Variants in SLC25A20 observed in about 807,000 individuals in gnomAD.
The protein encoded by SLC25A20 is mitochondrial carnitine/acylcarnitine carrier protein.
A neutral mutation model predicts 39.7 loss-of-function variants in SLC25A20; 29 were observed. The observed-to-expected ratio is 0.73, with a 90% confidence interval of 0.54 to 1.00. The LOEUF (loss-of-function observed/expected upper bound fraction) is 1.00. Among genes scored for constraint, SLC25A20 ranks in the 50% least tolerant of loss-of-function variants. The pLI is 0.00. For synonymous variants in SLC25A20, 103 were observed against 142.2 expected (o/e 0.72, Z 1.96); for missense variants, 333 against 379.9 (o/e 0.88, Z 1.03).
At chr3:48,866,553 C>CAA (rs572943196) in intron 4 of SLC25A20, among the ~76,000 whole-genome samples, 2 of 141,782 alleles carry the variant, frequency 1.4e-5, no homozygotes, top group African/African-American at 2.6e-5. Flanking sequence ...GACTCCATCT[C>CAA]AAAAAAAAAA....
chr3:48,862,161 A>G (rs373182481), intron 5 of SLC25A20, among the ~76,000 whole-genome samples: 49 of 152,340 alleles, frequency 3.2e-4, no homozygotes, highest in African/African-American at 1.2e-3. Flanking sequence ...CTGCCAGCTC[A>G]GGACAAGAGT....
At chr3:48,883,283 T>C (rs901859784) in intron 3 of SLC25A20, among the ~76,000 whole-genome samples, 2 of 151,130 alleles carry the variant, frequency 1.3e-5, no homozygotes, top group Non-Finnish European at 3.0e-5. Context: ...CCAGGCACAG[T>C]GGCACACGCC....
chr3:48,883,377 C>T (rs1202183782), intron 3 of SLC25A20, among the ~76,000 whole-genome samples: 1 of 151,664 alleles, frequency 6.6e-6, no homozygotes, highest in Non-Finnish European at 1.5e-5. Context: ...GGTGAAACCC[C>T]CTCTCTACTA....
intron 4 of SLC25A20, among the ~76,000 whole-genome samples, chr3:48,868,215 G>A (rs947284742): frequency 6.6e-6 from 1 of 151,948 alleles, no homozygotes; most frequent in Non-Finnish European, 1.5e-5. Flanking sequence ...GGGGGGTTGA[G>A]AAGAGGAGAG....
At chr3:48,874,937 G>A (rs941112503) in intron 4 of SLC25A20, among the ~76,000 whole-genome samples, 3 of 150,050 alleles carry the variant, frequency 2.0e-5, no homozygotes, top group African/African-American at 7.3e-5. Context: ...GCTTGCGGGT[G>A]CATGCCTGTA....
At chr3:48,885,358 A>G (rs1259845391) in intron 2 of SLC25A20, among the ~76,000 whole-genome samples, 1 of 152,146 alleles carries the variant, frequency 6.6e-6, no homozygotes, top group Middle Eastern at 3.2e-3. Context: ...CCTGCCAAAC[A>G]AGGTGGTAAA....
chr3:48,870,358 A>G (rs1035427273), intron 4 of SLC25A20, among the ~76,000 whole-genome samples: 1 of 152,136 alleles, frequency 6.6e-6, no homozygotes, highest in Non-Finnish European at 1.5e-5. Context: ...GAAGTTCAGA[A>G]AGGTTGTAGA....
chr3:48,859,688 A>G (rs1244275202), intron 5 of SLC25A20, 61 bp from the exon 6 acceptor site: 6 of 1,303,308 alleles, frequency 4.6e-6, no homozygotes, highest in South Asian at 2.4e-5. Context: ...GCATGGTGGT[A>G]CACACCTGTA....
At chr3:48,869,126 T>C (rs1339849383) in intron 4 of SLC25A20, among the ~76,000 whole-genome samples, 2 of 152,076 alleles carry the variant, frequency 1.3e-5, no homozygotes, top group African/African-American at 4.8e-5. Flanking sequence ...ATCCTTCCCT[T>C]CCTGCTGGAG....
At chr3:48,858,384 G>C in intron 8 of SLC25A20, 123 bp downstream of exon 8, 1 of 1,406,254 alleles carries the variant, frequency 7.1e-7, no homozygotes, top group Non-Finnish European at 1.0e-6. Context: ...GGAATGCTCT[G>C]GCTGAAGATA....
chr3:48,873,209 G>A (rs954440919), intron 4 of SLC25A20, among the ~76,000 whole-genome samples: 3 of 152,062 alleles, frequency 2.0e-5, no homozygotes, highest in South Asian at 4.1e-4. Context: ...GGGCAACAGA[G>A]CAAGACTCCG....
At chr3:48,878,000 C>T (rs187653848) in intron 4 of SLC25A20, among the ~76,000 whole-genome samples, 1 of 151,992 alleles carries the variant, frequency 6.6e-6, no homozygotes, top group Non-Finnish European at 1.5e-5. Flanking sequence ...CGGTGGCTTA[C>T]GCCTGTAATC....
chr3:48,897,212 C>T (rs1299704950), intron 1 of SLC25A20, among the ~76,000 whole-genome samples: 1 of 150,902 alleles, frequency 6.6e-6, no homozygotes, highest in Non-Finnish European at 1.5e-5. Context: ...TAAAAAGAGG[C>T]TTTCTGGTTG....
intron 3 of SLC25A20, 50 bp from the exon 4 acceptor site, chr3:48,879,498 G>T (rs199566225): frequency 3.2e-6 from 4 of 1,233,792 alleles, no homozygotes; most frequent in Non-Finnish European, 4.8e-6. Flanking sequence ...TAACCACCGA[G>T]GACAGAGGCC....
chr3:48,881,316 C>G (rs1352296760), intron 3 of SLC25A20, among the ~76,000 whole-genome samples: 14 of 152,194 alleles, frequency 9.2e-5, no homozygotes, highest in Admixed American at 3.9e-4. Context: ...CTAAATTCTC[C>G]CTATGAGACC....
At chr3:48,893,861 A>G (rs2083894812) in intron 1 of SLC25A20, among the ~76,000 whole-genome samples, 2 of 150,554 alleles carry the variant, frequency 1.3e-5, no homozygotes, top group Non-Finnish European at 3.0e-5. Context: ...AGAAAAAAAA[A>G]AAAAAAAAAA....
intron 2 of SLC25A20, among the ~76,000 whole-genome samples, chr3:48,890,550 C>T (rs1287515312): frequency 2.0e-5 from 3 of 151,682 alleles, no homozygotes; most frequent in African/African-American, 7.3e-5. Context: ...CTCTCTGCTT[C>T]GGCTACCTAA....
intron 3 of SLC25A20, among the ~76,000 whole-genome samples, chr3:48,882,247 G>C (rs1165326012): frequency 6.6e-6 from 1 of 152,196 alleles, no homozygotes; most frequent in Non-Finnish European, 1.5e-5. Context: ...TCTGTCTCAG[G>C]TGACTCTTCA....
chr3:48,883,127 G>A (rs947259532), intron 3 of SLC25A20, among the ~76,000 whole-genome samples: 1 of 151,546 alleles, frequency 6.6e-6, no homozygotes, highest in African/African-American at 2.4e-5. Context: ...CCTGGGATGT[G>A]GAGCTTACAG....
Sources: allele counts gnomAD v4.1 joint callset (sites outside exome capture counted in the v4.1 genomes callset), GRCh38; gene constraint gnomAD v4.1.1; transcripts MANE v1.5; gene names NCBI Gene and HGNC (gene_info 2026-07-23, HGNC 2026-07-21).